Variants in KLF17 observed in about 807,000 individuals in gnomAD.
The protein encoded by KLF17 is KLF transcription factor 17, also known as Krueppel-like factor 17.
KLF17 carries 31 observed loss-of-function variants against 34.2 expected under a neutral mutation model. The ratio of observed to expected loss-of-function variants is 0.91; its 90% CI spans 0.68 to 1.22. KLF17 has a LOEUF of 1.22. KLF17 is among the 50% of genes most tolerant of loss of function. The pLI is 0.00. For synonymous variants in KLF17, 179 were observed against 186.7 expected (o/e 0.96, Z 0.34); for missense variants, 478 against 505.2 (o/e 0.95, Z 0.52).
chr1:44,062,648 C>T, the KLF17 span, among the ~76,000 whole-genome samples: 7 of 150,108 alleles, frequency 4.7e-5, no homozygotes, highest in East Asian at 1.2e-3. Context: ...GCCAGGAGTT[C>T]GAGGCCGCAG....
At chr1:44,079,850 A>G in the KLF17 span, among the ~76,000 whole-genome samples, 5 of 151,394 alleles carry the variant, frequency 3.3e-5, no homozygotes, top group African/African-American at 1.2e-4. Context: ...TCAGGAATCC[A>G]TATATGCTTG....
the KLF17 span, among the ~76,000 whole-genome samples, chr1:44,081,912 G>A: frequency 6.6e-6 from 1 of 152,142 alleles, no homozygotes; most frequent in Non-Finnish European, 1.5e-5. Context: ...CATACCGCTA[G>A]TGGCAGAAGT....
the KLF17 span, among the ~76,000 whole-genome samples, chr1:44,092,140 C>G: frequency 6.6e-6 from 1 of 151,600 alleles, no homozygotes; most frequent in South Asian, 2.1e-4. Context: ...GTCGGGGGTT[C>G]GAGACCAGCC....
chr1:44,105,679 T>C, the KLF17 span, among the ~76,000 whole-genome samples: 1 of 152,232 alleles, frequency 6.6e-6, no homozygotes, highest in Non-Finnish European at 1.5e-5. Context: ...TTCTTTTTAA[T>C]TTTTTTCTAG....
In KLF17 at chr1:44,122,466, GTTAC is replaced by G; in HGVS notation, c.81+3479_81+3482del. The G allele has an allele frequency of 4.2e-6, 5 of 1,198,192 alleles. No individual in the cohort carries two copies. In the South Asian group the frequency reaches 6.1e-5, roughly 15 times the overall value. 74.2% of individuals were successfully genotyped at this position (1,198,192 alleles called of 1,614,324 possible). A position where few individuals can be genotyped will look rare whatever the true frequency, so the allele number is the denominator to read the frequency against. ...CTGTGTTCTGTTCTTCAATGCAATG[GTTAC>G]AGTTTCATGACTCAATTTCATCAAA... On this transcript the variant is annotated intron_variant, in intron 1 of 3. Coordinates refer to ENST00000372299, the MANE Select transcript of KLF17 (RefSeq NM_173484.4).
the KLF17 span, chr1:44,110,493 C>G: frequency 6.6e-6 from 1 of 152,014 alleles, no homozygotes; most frequent in South Asian, 2.1e-4. Flanking sequence ...GGGTTCGAGA[C>G]CAGCCTGAGC....
chr1:44,091,719 A>C, the KLF17 span, among the ~76,000 whole-genome samples: 2 of 151,540 alleles, frequency 1.3e-5, no homozygotes, highest in Non-Finnish European at 2.9e-5. Context: ...AGAAAGACAA[A>C]AGCATATTAG....
chr1:44,069,512 G>GAGAGAGAGAGAGAGA, the KLF17 span, among the ~76,000 whole-genome samples: 86 of 114,596 alleles, frequency 7.5e-4, no homozygotes, highest in East Asian at 7.7e-4. This position sits in a 1 kb window ranked among gnomAD's most constrained non-coding sequence, Gnocchi z 4.7. Flanking sequence ...GAGAGAGAGA[G>GAGAGAGAGAGAGAGA]AAGACAGGAG....
the KLF17 span, among the ~76,000 whole-genome samples, chr1:44,081,547 C>T: frequency 6.6e-6 from 1 of 151,892 alleles, no homozygotes; most frequent in African/African-American, 2.4e-5. Flanking sequence ...TCCCAAGCAG[C>T]TGGAACTACA....
chr1:44,097,410 T>C, the KLF17 span, among the ~76,000 whole-genome samples: 2 of 152,278 alleles, frequency 1.3e-5, no homozygotes, highest in Admixed American at 6.5e-5. Context: ...AGAAAGTCAA[T>C]GGTAGCTTGA....
At chr1:44,068,199 G>A in the KLF17 span, among the ~76,000 whole-genome samples, 1,142 of 152,120 alleles carry the variant, frequency 7.5e-3, 13 homozygotes, top group African/African-American at 0.026. Context: ...TAATTTTTGC[G>A]TTTTTGGCAG....
At chr1:44,055,401 AC>A in the KLF17 span, among the ~76,000 whole-genome samples, 1 of 151,926 alleles carries the variant, frequency 6.6e-6, no homozygotes, top group Non-Finnish European at 1.5e-5. Flanking sequence ...AGATTTATCC[AC>A]CCCCTTGGTT....
the KLF17 span, among the ~76,000 whole-genome samples, chr1:44,047,586 T>C: frequency 1.6e-5 from 2 of 121,258 alleles, no homozygotes; most frequent in African/African-American, 7.7e-5. Context: ...TCAACATCAC[T>C]AGTAGCCCAT....
chr1:44,058,393 C>T, the KLF17 span, among the ~76,000 whole-genome samples: 4 of 152,044 alleles, frequency 2.6e-5, no homozygotes, highest in South Asian at 2.1e-4. Context: ...CAGGTTCAAG[C>T]GATTCTCCTG....
upstream of KLF17, chr1:44,115,782 G>A (rs1302048445): frequency 1.3e-5 from 2 of 152,132 alleles, no homozygotes; most frequent in African/African-American, 2.4e-5. Flanking sequence ...GAGTATATCA[G>A]ATTGTAAAGA....
the KLF17 span, among the ~76,000 whole-genome samples, chr1:44,047,264 C>T: frequency 2.0e-5 from 3 of 152,104 alleles, no homozygotes; most frequent in Admixed American, 1.3e-4. Context: ...TAAGATGGAG[C>T]AATTGTACTC....
At position 44,134,818 on chromosome 1, in the gene KLF17, G is replaced by A. The variant is rs1035440158; in HGVS notation, c.*1581G>A. The A allele has an allele frequency of 3.9e-5, 6 of 152,218 alleles. No individual in the cohort carries two copies. The highest frequency in any genetic ancestry group is 6.5e-5 in the Admixed American group (1 of 15,286). 9.4% of individuals were successfully genotyped at this position (152,218 alleles called of 1,614,324 possible). A position where few individuals can be genotyped will look rare whatever the true frequency, so the allele number is the denominator to read the frequency against. The stretch of plus-strand genomic sequence containing the variant: ...GGTGTGAGAGTGGAGGTAGGGAGAA[G>A]TAGGAAAGTGATAGTTAACTGGATT... On this transcript the variant is annotated 3_prime_UTR_variant, in exon 4 of 4. Transcript: ENST00000372299.
intron 1 of KLF17, chr1:44,122,529 C>T (rs77975030): frequency 0.017 from 14,059 of 843,372 alleles, 554 homozygotes; most frequent in East Asian, 0.1. Context: ...GGTGCCATCA[C>T]CCTTTGGGTC....
At chr1:44,090,027 C>T in the KLF17 span, among the ~76,000 whole-genome samples, 4 of 150,818 alleles carry the variant, frequency 2.7e-5, no homozygotes, top group East Asian at 3.9e-4. Flanking sequence ...GCCGGGCGTA[C>T]TCGGGGAGCT....
Sources: allele counts gnomAD v4.1 joint callset (sites outside exome capture counted in the v4.1 genomes callset), GRCh38; gene constraint gnomAD v4.1.1; non-coding constraint Gnocchi (gnomAD v3.1); transcripts MANE v1.5; gene names NCBI Gene and HGNC (gene_info 2026-07-23, HGNC 2026-07-21).